Variants in MYT1L observed in about 807,000 individuals in gnomAD.
MYT1L encodes the protein myelin transcription factor 1 like, also known as myelin transcription factor 1-like protein.
In MYT1L, 12 loss-of-function variants were observed where a neutral mutation model predicts 126.7. That is an observed-to-expected ratio of 0.09 (90% confidence interval 0.06 to 0.15). The LOEUF is 0.15. MYT1L is among the 10% of genes least tolerant of loss of function. MYT1L has a pLI of 1.00. For missense variants in MYT1L, 979 were observed against 1,585.2 expected (o/e 0.62, Z 6.49); for synonymous variants, 541 against 604.2 (o/e 0.90, Z 1.53).
chr2:2,272,104 A>T (rs1448794047), intron 2 of MYT1L, among the ~76,000 whole-genome samples: 1 of 151,946 alleles, frequency 6.6e-6, no homozygotes, highest in Non-Finnish European at 1.5e-5. Flanking sequence ...GAAGCTAAAG[A>T]CGACAGTCAC....
intron 5 of MYT1L, among the ~76,000 whole-genome samples, chr2:1,984,214 T>C (rs1281339586): frequency 1.3e-5 from 2 of 152,170 alleles, no homozygotes; most frequent in East Asian, 3.9e-4. Flanking sequence ...GAGATTATAA[T>C]GTATATATAT....
intron 23 of MYT1L, among the ~76,000 whole-genome samples, chr2:1,800,843 C>G (rs964216831): frequency 6.6e-6 from 1 of 151,968 alleles, no homozygotes; most frequent in Non-Finnish European, 1.5e-5. Flanking sequence ...GGAGGCTGGT[C>G]AGCATCCCCC....
At chr2:1,975,280 T>C (rs567002332) in intron 8 of MYT1L, among the ~76,000 whole-genome samples, 11 of 152,216 alleles carry the variant, frequency 7.2e-5, no homozygotes, top group Non-Finnish European at 1.5e-4. Context: ...CACAGCTTTC[T>C]GAGACCCACA....
Position 1,942,302 on chromosome 2 carries a change from T to G in MYT1L, c.505+680A>C, listed in dbSNP as rs182021117. On this transcript the variant is annotated intron_variant, in intron 9 of 24. Coordinates refer to ENST00000647738, the MANE Select transcript of MYT1L (RefSeq NM_001303052.2). ...AACAGAACACTGGACATGAAAGCCATGTCACCGTAAACGCACTGCCGGGAA... is the reference window on the plus strand; with the variant it reads ...AACAGAACACTGGACATGAAAGCCAGGTCACCGTAAACGCACTGCCGGGAA... 1.7e-4 allele frequency among the ~76,000 whole-genome samples: 26 copies of G among 152,324 alleles called. No homozygotes were observed. In the East Asian group the frequency reaches 3.9e-3, roughly 23 times the overall value.
At chr2:1,940,215 C>T (rs533004503) in intron 9 of MYT1L, among the ~76,000 whole-genome samples, 165 of 151,436 alleles carry the variant, frequency 1.1e-3, no homozygotes, top group South Asian at 8.8e-3. Flanking sequence ...CTGCACCCTG[C>T]CAGGATGTTC....
chr2:2,285,595 C>T (rs180897286), intron 1 of MYT1L, among the ~76,000 whole-genome samples: 29 of 152,310 alleles, frequency 1.9e-4, no homozygotes, highest in Admixed American at 9.1e-4. Context: ...ATGCCCTCCC[C>T]TTTCTGGGTC....
In MYT1L at chr2:2,280,621, G is replaced by C. The variant is rs115165146; in HGVS notation, c.-421+3783C>G. Among the ~76,000 whole-genome samples the C allele has an allele frequency of 1.2e-3, 183 of 152,282 alleles. 1 individual carries two copies. The highest frequency in any genetic ancestry group is 4.3e-3 in the African/African-American group (178 of 41,554). On this transcript the variant is annotated intron_variant, in intron 2 of 24. Coordinates refer to ENST00000647738, the MANE Select transcript of MYT1L (RefSeq NM_001303052.2). ...TTTCCTTCCCTAGTGTTATTTTAAG[G>C]AGGAAGTCAGGTAACACACATCAAC...
At chr2:1,952,878 C>T (rs1573926265) in intron 8 of MYT1L, among the ~76,000 whole-genome samples, 1 of 76,588 alleles carries the variant, frequency 1.3e-5, no homozygotes, top group South Asian at 5.1e-4. Flanking sequence ...CCCTTCCCTC[C>T]TTCCTTCCCT....
chr2:1,865,538 A>C (rs2045347835), intron 18 of MYT1L, among the ~76,000 whole-genome samples: 1 of 152,166 alleles, frequency 6.6e-6, no homozygotes, highest in Non-Finnish European at 1.5e-5. Context: ...CCTTGTGAGG[A>C]CTAAAGAACT....
intron 2 of MYT1L, among the ~76,000 whole-genome samples, chr2:2,233,136 T>C (rs955361455): frequency 7.2e-5 from 11 of 152,184 alleles, no homozygotes; most frequent in African/African-American, 2.7e-4. Context: ...ATGAATAATA[T>C]ACACATTTTT....
intron 3 of MYT1L, among the ~76,000 whole-genome samples, chr2:2,111,127 C>T (rs1288964698): frequency 3.3e-5 from 5 of 152,194 alleles, no homozygotes; most frequent in African/African-American, 1.2e-4. Flanking sequence ...AGGGTGTCAG[C>T]TCTAAAAAGG....
chr2:2,186,318 C>G (rs6709689), intron 2 of MYT1L, among the ~76,000 whole-genome samples: 23,191 of 148,714 alleles, frequency 0.16, 2,607 homozygotes, highest in African/African-American at 0.31. Context: ...CCCCGAGTTC[C>G]GCGGTCATTA....
intron 9 of MYT1L, among the ~76,000 whole-genome samples, chr2:1,926,966 A>G (rs1363287035): frequency 6.6e-6 from 1 of 152,252 alleles, no homozygotes; most frequent in Admixed American, 6.5e-5. Context: ...AAAAACACAT[A>G]TTTAGATGGA....
Position 1,892,190 on chromosome 2 carries a change from G to C in MYT1L, c.2130C>G (p.Ser710Arg). The C allele has an allele frequency of 6.5e-7, 1 of 1,549,470 alleles. No homozygotes were observed. The highest frequency in any genetic ancestry group is 1.7e-4 in the Middle Eastern group (1 of 5,928). Residue 710 changes from serine (S) to arginine (R), a missense_variant, in exon 15 of 25, where the codon AGC becomes AGG. This residue lies in a region of MYT1L where 57 missense variants were observed against 60.3 expected (regional missense o/e 0.94). Transcript: ENST00000647738. ...TGCTCTTGCTGCACGTGCTGCTGGC[G>C]CTGCTGCCCCCGCCGCAGCTCAGGT... ...SSNLSCGGGS[S>R]ASSTCSKSSF...
At chr2:1,863,195 C>A (rs773066658) in intron 18 of MYT1L, among the ~76,000 whole-genome samples, 1 of 152,174 alleles carries the variant, frequency 6.6e-6, no homozygotes, top group Non-Finnish European at 1.5e-5. Flanking sequence ...GGTGCCTTAA[C>A]CAAAGATCCC....
intron 3 of MYT1L, among the ~76,000 whole-genome samples, chr2:2,079,481 T>A (rs897623068): frequency 1.3e-5 from 2 of 152,184 alleles, no homozygotes; most frequent in African/African-American, 4.8e-5. Context: ...GATTTAAAAA[T>A]TTTCATGACA....
At chr2:2,116,146 G>A (rs1007570392) in intron 3 of MYT1L, among the ~76,000 whole-genome samples, 1 of 152,190 alleles carries the variant, frequency 6.6e-6, no homozygotes, top group Admixed American at 6.5e-5. Context: ...CCATGCTGAG[G>A]GCTAGGCACA....
At chr2:2,113,109 T>TC (rs1038413964) in intron 3 of MYT1L, among the ~76,000 whole-genome samples, 1 of 152,164 alleles carries the variant, frequency 6.6e-6, no homozygotes, top group Non-Finnish European at 1.5e-5. Context: ...AGAAGCAGAT[T>TC]CCTAATAACC....
intron 18 of MYT1L, among the ~76,000 whole-genome samples, chr2:1,868,772 C>G (rs1042801744): frequency 1.3e-5 from 2 of 152,238 alleles, no homozygotes; most frequent in African/African-American, 4.8e-5. Context: ...CCCTCCTCCC[C>G]CCTCCTCCCT....
Sources: allele counts gnomAD v4.1 joint callset (sites outside exome capture counted in the v4.1 genomes callset), GRCh38; gene constraint gnomAD v4.1.1; regional missense constraint gnomAD v4.1.1; transcripts MANE v1.5; gene names NCBI Gene and HGNC (gene_info 2026-07-23, HGNC 2026-07-21).